The following NPHP3 variants were observed in gnomAD, a reference collection of about 807,000 sequenced individuals.
The protein encoded by NPHP3 is nephrocystin 3.
Under a neutral mutation model 171.9 loss-of-function variants are expected in NPHP3, and 123 were observed. That is an observed-to-expected ratio of 0.72 (90% CI 0.62 to 0.83). NPHP3 has a LOEUF of 0.83. Among genes scored for constraint, NPHP3 ranks in the 40% least tolerant of loss-of-function variants. The pLI, the probability that NPHP3 is intolerant of heterozygous loss-of-function variation, is 0.00. For synonymous variants in NPHP3, 558 were observed against 579.2 expected, an observed-to-expected ratio of 0.96 and a Z score of 0.52; for missense variants, 1,506 against 1,591.9, an observed-to-expected ratio of 0.95 and a Z score of 0.92.
intron 7 of NPHP3, among the ~76,000 whole-genome samples, chr3:132,706,761 A>T (rs943729052): frequency 2.6e-5 from 4 of 152,214 alleles, no homozygotes; most frequent in African/African-American, 4.8e-5. Context: ...CTTCCAGCAT[A>T]CTAAATTTTT....
In NPHP3 at chr3:132,701,547, T is replaced by C. The variant is rs757558245; in HGVS notation, c.1525-14A>G. 2 of 1,526,832 alleles carry C rather than the reference T, an allele frequency of 1.3e-6. No homozygotes were observed. The highest frequency in any genetic ancestry group is 1.8e-6 in the Non-Finnish European group (2 of 1,101,104). 94.6% of individuals were successfully genotyped at this position (1,526,832 alleles called of 1,614,324 possible). A position where few individuals can be genotyped will look rare whatever the true frequency, so the allele number is the denominator to read the frequency against. On this transcript the variant is annotated splice_polypyrimidine_tract_variant and intron_variant, in intron 9 of 26. Coordinates refer to ENST00000337331, the MANE Select transcript of NPHP3 (RefSeq NM_153240.5). ...GCGTTGGTAATACTAGAAAAAAAAA[T>C]GAATTTACATTGTAAGGAAGCACAT...
At position 132,716,885 on chromosome 3, in the gene NPHP3, C is replaced by T. The variant is rs1452025549; in HGVS notation, c.695G>A (p.Trp232Ter). The T allele has an allele frequency of 6.2e-7, 1 of 1,614,076 alleles. No homozygotes were observed. The highest frequency in any genetic ancestry group is 8.5e-7 in the Non-Finnish European group (1 of 1,180,016). Reference sequence around the variant, plus strand: ...TTCACTTCCCAAGGCTCCGCCAGTCCAATATTCACATTGGGTTCCAGCAGC... The same window carrying T: ...TTCACTTCCCAAGGCTCCGCCAGTCTAATATTCACATTGGGTTCCAGCAGC... ...VTAAGTQCEY[W>*]TGGALGSEPS... Residue 232 changes from tryptophan (W) to a stop codon, truncating the protein, a stop_gained, in exon 4 of 27, where the codon TGG becomes TAG. Transcript: ENST00000337331. LOFTEE classifies it high-confidence loss of function.
chr3:132,694,141 A>G (rs536417069), intron 16 of NPHP3, among the ~76,000 whole-genome samples: 2 of 152,096 alleles, frequency 1.3e-5, no homozygotes, highest in African/African-American at 4.8e-5. Flanking sequence ...GAGCCTAGAA[A>G]CAGACCCACA....
rs550453847 is a variant in NPHP3, at chr3:132,709,455, G to A, written c.1119-1198C>T. Among the ~76,000 whole-genome samples the A allele has an allele frequency of 2.6e-5, 4 of 151,790 alleles. No individual in the cohort carries two copies. In the South Asian group the frequency reaches 8.3e-4, roughly 32 times the overall value. On this transcript the variant is annotated intron_variant, in intron 6 of 26. Transcript: ENST00000337331. ...ACGCCACCACACCCAGCTAATTTTT[G>A]TATTTTTTGTAGAGATGGGGTTTCA...
chr3:132,701,332 T>C, intron 10 of NPHP3, 98 bp downstream of exon 10: 2 of 797,140 alleles, frequency 2.5e-6, no homozygotes, highest in South Asian at 1.4e-5. Flanking sequence ...TAATGTTTAG[T>C]GTAGGCCGCG....
rs539102448 is a variant in NPHP3, at chr3:132,706,615, T to C, written c.1276-801A>G. ...AACATGTCTACTACTACTACTAATA[T>C]TTGATACAATTAGAATAAGGCAATG... On this transcript the variant is annotated intron_variant, in intron 7 of 26. Transcript: ENST00000337331. 3.3e-5 allele frequency among the ~76,000 whole-genome samples: 5 copies of C among 152,188 alleles called. No individual in the cohort carries two copies. The South Asian group carries it at 1.0e-3, about 32-fold the overall frequency.
intron 6 of NPHP3, chr3:132,712,594 A>G: frequency 2.7e-6 from 1 of 368,878 alleles, no homozygotes; most frequent in African/African-American, 2.2e-5. Context: ...GTGAAACCCC[A>G]TCTCTACCAA....
chr3:132,713,380 C>A, intron 5 of NPHP3, 94 bp from the exon 6 acceptor site: 2 of 716,270 alleles, frequency 2.8e-6, no homozygotes, highest in South Asian at 2.3e-5. Flanking sequence ...CGCTTTAAAA[C>A]AGGTTATACT....
intron 7 of NPHP3, among the ~76,000 whole-genome samples, chr3:132,707,701 C>T (rs1033859625): frequency 3.3e-5 from 5 of 152,126 alleles, no homozygotes; most frequent in African/African-American, 1.2e-4. Context: ...CTCATCATTT[C>T]CTCTACCACC....
At chr3:132,695,467 CAT>C (rs560966091) in intron 15 of NPHP3, among the ~76,000 whole-genome samples, 132 of 152,160 alleles carry the variant, frequency 8.7e-4, no homozygotes, top group Middle Eastern at 6.8e-3. Context: ...ACAAAGGGTC[CAT>C]AGTCTCTTTA....
Position 132,681,803 on chromosome 3 carries a change from G to T in NPHP3, c.*107C>A. On this transcript the variant is annotated 3_prime_UTR_variant, in exon 27 of 27. Transcript: ENST00000337331. ...CATACAAATAGCAGTTAAATCACAC[G>T]TAGTAAAATTTCGTACAACATTTTT... The T allele has an allele frequency of 1.1e-6, 1 of 908,316 alleles. No individual in the cohort carries two copies. The highest frequency in any genetic ancestry group is 1.8e-6 in the Non-Finnish European group (1 of 557,166). 56.3% of individuals were successfully genotyped at this position (908,316 alleles called of 1,614,324 possible). A position where few individuals can be genotyped will look rare whatever the true frequency, so the allele number is the denominator to read the frequency against.
At chr3:132,697,205 G>T in intron 14 of NPHP3, 55 bp downstream of exon 14, 1 of 1,184,306 alleles carries the variant, frequency 8.4e-7, no homozygotes, top group Non-Finnish European at 1.3e-6. Context: ...CACATAAGAT[G>T]TTTCATAGGA....
chr3:132,707,407 G>A (rs1350097537), intron 7 of NPHP3, among the ~76,000 whole-genome samples: 6 of 152,040 alleles, frequency 3.9e-5, no homozygotes, highest in African/African-American at 9.7e-5. Context: ...GGAGTTTGAG[G>A]CTTCAGTGAG....
intron 5 of NPHP3, 43 bp from the exon 6 acceptor site, chr3:132,713,329 T>C (rs1560014332): frequency 2.1e-6 from 3 of 1,404,858 alleles, no homozygotes. Context: ...TGTATTTAAC[T>C]AAAGATCAAG....
intron 9 of NPHP3, among the ~76,000 whole-genome samples, chr3:132,703,876 T>C (rs1356489766): frequency 6.6e-6 from 1 of 152,210 alleles, no homozygotes; most frequent in South Asian, 2.1e-4. Flanking sequence ...CCACTGCACC[T>C]GGCCTCAGCC....
At chr3:132,716,151 G>A (rs528428453) in intron 4 of NPHP3, among the ~76,000 whole-genome samples, 2 of 152,218 alleles carry the variant, frequency 1.3e-5, no homozygotes, top group South Asian at 2.1e-4. Context: ...ATGTGGGCCA[G>A]GGAAGCTAAA....
At chr3:132,684,079 T>C (rs192051141) in intron 24 of NPHP3, among the ~76,000 whole-genome samples, 1 of 152,188 alleles carries the variant, frequency 6.6e-6, no homozygotes, top group Admixed American at 6.5e-5. Flanking sequence ...CAAATATCAC[T>C]CAGTATAGAA....
rs184147315 is a variant in NPHP3 at position 132,715,294 on chromosome 3, A to G, written c.824-76T>C. On this transcript the variant is annotated intron_variant, in intron 4 of 26. Coordinates refer to ENST00000337331, the MANE Select transcript of NPHP3 (RefSeq NM_153240.5). The stretch of plus-strand genomic sequence containing the variant: ...ATCATTCTAAAAAAGTTTTAAAAAC[A>G]TAACAGGCATCATAGAATGGAATCT... The G allele has an allele frequency of 2.0e-3, 2,363 of 1,202,222 alleles. 4 individuals carry two copies. Among genetic ancestry groups the G allele is most frequent in the African/African-American group, 5.3e-3 (357 of 66,826 alleles). 74.5% of individuals were successfully genotyped at this position (1,202,222 alleles called of 1,614,324 possible).
chr3:132,719,950 A>G, intron 1 of NPHP3, 120 bp from the exon 2 acceptor site: 1 of 418,944 alleles, frequency 2.4e-6, no homozygotes, highest in South Asian at 8.4e-5. Flanking sequence ...AAGTCTACTT[A>G]TTATTTTACC....
Sources: gnomAD v4.1 joint callset for allele counts (sites outside exome capture counted in the v4.1 genomes callset) on GRCh38, gnomAD v4.1.1 for gene constraint, MANE v1.5 for transcripts, NCBI Gene and HGNC (gene_info 2026-07-23, HGNC 2026-07-21) for gene names.